Variants in PLCH1 observed in about 807,000 individuals in gnomAD.
PLCH1 encodes the protein phospholipase C eta 1.
Under a neutral mutation model 126.7 loss-of-function variants are expected in PLCH1, and 60 were observed. The observed-to-expected ratio is 0.47, with a 90% confidence interval of 0.38 to 0.59. PLCH1 has a LOEUF of 0.59. PLCH1 is among the 20% of genes least tolerant of loss of function. The pLI, the probability that PLCH1 is intolerant of heterozygous loss-of-function variation, is 0.00. For missense variants in PLCH1, 1,723 were observed against 2,040.0 expected, an observed-to-expected ratio of 0.84 and a Z score of 2.99; for synonymous variants, 719 against 734.9, an observed-to-expected ratio of 0.98 and a Z score of 0.35.
At chr3:155,473,544 A>G (rs1313709724) in intron 21 of PLCH1, among the ~76,000 whole-genome samples, 1 of 150,046 alleles carries the variant, frequency 6.7e-6, no homozygotes, top group African/African-American at 2.5e-5. Flanking sequence ...CAAGCTACCA[A>G]TGACTTTCTT....
chr3:155,645,469 T>C (rs1739915763), intron 2 of PLCH1, among the ~76,000 whole-genome samples: 1 of 152,078 alleles, frequency 6.6e-6, no homozygotes, highest in Non-Finnish European at 1.5e-5. Context: ...AAGGAGTTAT[T>C]TGTTGTTGCT....
intron 2 of PLCH1, among the ~76,000 whole-genome samples, chr3:155,669,870 G>A (rs934565604): frequency 2.0e-5 from 3 of 152,116 alleles, no homozygotes; most frequent in African/African-American, 4.8e-5. Flanking sequence ...TATAGTCTTC[G>A]TTCTCTTTTG....
At chr3:155,714,648 T>C (rs1211248937) in intron 1 of PLCH1, among the ~76,000 whole-genome samples, 1 of 152,238 alleles carries the variant, frequency 6.6e-6, no homozygotes, top group African/African-American at 2.4e-5. Context: ...CTGAAAATGC[T>C]CTGAGCTAGT....
At chr3:155,468,406 T>A (rs1046856740) in intron 21 of PLCH1, among the ~76,000 whole-genome samples, 1 of 152,082 alleles carries the variant, frequency 6.6e-6, no homozygotes, top group Non-Finnish European at 1.5e-5. Flanking sequence ...GTCCTAAAAA[T>A]GACATTGAAT....
intron 5 of PLCH1, among the ~76,000 whole-genome samples, chr3:155,585,694 G>A (rs1358845996): frequency 6.6e-6 from 1 of 152,156 alleles, no homozygotes; most frequent in Non-Finnish European, 1.5e-5. Context: ...CAGAGCTCTT[G>A]AGGTTTTAGA....
intron 2 of PLCH1, among the ~76,000 whole-genome samples, chr3:155,651,033 G>A (rs1427531721): frequency 7.3e-5 from 11 of 150,738 alleles, no homozygotes; most frequent in East Asian, 5.8e-4. Context: ...GCGAGACTCC[G>A]TCTCAAAAAA....
intron 2 of PLCH1, among the ~76,000 whole-genome samples, chr3:155,692,028 T>TA (rs543180678): frequency 1.2e-3 from 167 of 139,020 alleles, no homozygotes; most frequent in South Asian, 2.3e-3. Context: ...AGACTCTGTC[T>TA]AAAAAAAAAA....
intron 1 of PLCH1, among the ~76,000 whole-genome samples, chr3:155,726,775 A>C (rs979402615): frequency 6.7e-5 from 10 of 150,210 alleles, no homozygotes; most frequent in Non-Finnish European, 1.0e-4. Context: ...GGCTCACTGC[A>C]ACCTCTGCCT....
At chr3:155,491,104 C>T (rs561645804) in intron 18 of PLCH1, among the ~76,000 whole-genome samples, 2 of 152,162 alleles carry the variant, frequency 1.3e-5, no homozygotes, top group Non-Finnish European at 2.9e-5. Context: ...ACCCACTGAA[C>T]CTACAACTTT....
At chr3:155,655,945 G>A (rs1342810618) in intron 2 of PLCH1, among the ~76,000 whole-genome samples, 1 of 151,664 alleles carries the variant, frequency 6.6e-6, no homozygotes, top group Non-Finnish European at 1.5e-5. Context: ...ACTACCCAAG[G>A]AAGAAAAGAA....
chr3:155,696,835 C>T (rs1395622763), intron 2 of PLCH1, among the ~76,000 whole-genome samples: 1 of 152,162 alleles, frequency 6.6e-6, no homozygotes, highest in African/African-American at 2.4e-5. Context: ...TCAATGGCCA[C>T]AGGTTTATGA....
chr3:155,541,296 G>C (rs1724195421), intron 10 of PLCH1, among the ~76,000 whole-genome samples: 1 of 152,164 alleles, frequency 6.6e-6, no homozygotes, highest in Admixed American at 6.6e-5. Flanking sequence ...ACATTGCTGA[G>C]GTGACAGGTG....
intron 10 of PLCH1, among the ~76,000 whole-genome samples, chr3:155,536,951 A>G (rs1723431518): frequency 6.6e-6 from 1 of 152,120 alleles, no homozygotes; most frequent in Non-Finnish European, 1.5e-5. Flanking sequence ...TATAAAGAAA[A>G]ACCTATAAGA....
chr3:155,472,975 C>G (rs1370628527), intron 21 of PLCH1, among the ~76,000 whole-genome samples: 9 of 144,542 alleles, frequency 6.2e-5, no homozygotes. Flanking sequence ...CAATATCATA[C>G]TGAATGGGCA....
intron 4 of PLCH1, among the ~76,000 whole-genome samples, chr3:155,589,319 G>C (rs1006086853): frequency 6.6e-6 from 1 of 152,082 alleles, no homozygotes; most frequent in South Asian, 2.1e-4. Flanking sequence ...AATGAACACG[G>C]TTGTGTTCCA....
At chr3:155,524,435 T>G (rs774827203) in intron 10 of PLCH1, among the ~76,000 whole-genome samples, 2 of 152,196 alleles carry the variant, frequency 1.3e-5, no homozygotes, top group African/African-American at 4.8e-5. Context: ...AAGGGTTTAT[T>G]GTATACATTT....
chr3:155,724,810 G>A (rs1022729252), intron 1 of PLCH1, among the ~76,000 whole-genome samples: 1 of 115,638 alleles, frequency 8.6e-6, no homozygotes, highest in Non-Finnish European at 1.6e-5. Flanking sequence ...ACCTTGGGGG[G>A]TTTTGTGTGT....
chr3:155,506,800 C>T (rs1411536761), intron 12 of PLCH1, among the ~76,000 whole-genome samples: 1 of 125,890 alleles, frequency 7.9e-6, no homozygotes, highest in African/African-American at 3.1e-5. Context: ...GTGAATAGTG[C>T]CGCAATAAAC....
intron 21 of PLCH1, among the ~76,000 whole-genome samples, chr3:155,451,536 T>C (rs1712307860): frequency 6.6e-6 from 1 of 152,180 alleles, no homozygotes; most frequent in East Asian, 1.9e-4. Context: ...TGGGAATGTC[T>C]ATGTGGGTAT....
Sources: gnomAD v4.1 joint callset for allele counts (sites outside exome capture counted in the v4.1 genomes callset) on GRCh38, gnomAD v4.1.1 for gene constraint, MANE v1.5 for transcripts, NCBI Gene and HGNC (gene_info 2026-07-23, HGNC 2026-07-21) for gene names.